PTPRE: variants seen among roughly 807,000 people sequenced by gnomAD.
The protein encoded by PTPRE is protein tyrosine phosphatase receptor type E.
A neutral mutation model predicts 102.0 loss-of-function variants in PTPRE; 51 were observed. The ratio of observed to expected loss-of-function variants is 0.50; its 90% CI spans 0.40 to 0.63. PTPRE has a LOEUF of 0.63. Among genes scored for constraint, PTPRE ranks in the 30% least tolerant of loss-of-function variants. The probability of loss-of-function intolerance (pLI) is 0.00; values close to 1 mark genes in which losing one functional copy is unlikely to be tolerated. For synonymous variants in PTPRE, 345 were observed against 348.2 expected (o/e 0.99, Z 0.10); for missense variants, 752 against 915.1 (o/e 0.82, Z 2.30).
chr10:128,044,213 C>A (rs1387206133), intron 3 of PTPRE, among the ~76,000 whole-genome samples: 2 of 152,206 alleles, frequency 1.3e-5, no homozygotes, highest in Admixed American at 1.3e-4. Context: ...GAGTTGGGAC[C>A]TTAAACCATT....
At chr10:127,939,117 C>T (rs192925715) in intron 1 of PTPRE, among the ~76,000 whole-genome samples, 13 of 152,344 alleles carry the variant, frequency 8.5e-5, no homozygotes, top group Admixed American at 7.8e-4. Context: ...TCATTCATTA[C>T]ATTTAAATAG....
chr10:127,967,330 G>C, intron 1 of PTPRE, among the ~76,000 whole-genome samples: 1 of 152,146 alleles, frequency 6.6e-6, no homozygotes, highest in Non-Finnish European at 1.5e-5. Flanking sequence ...TTGACTTGCA[G>C]CTCCCATAAT....
intron 20 of PTPRE, 133 bp from the exon 21 acceptor site, chr10:128,082,699 G>A (rs1484921966): frequency 1.3e-5 from 13 of 1,015,326 alleles, no homozygotes; most frequent in South Asian, 2.0e-5. Context: ...ACTAAATTAC[G>A]ATGTGCATAA....
chr10:127,996,241 C>G (rs1317333627), intron 2 of PTPRE, among the ~76,000 whole-genome samples: 1 of 152,142 alleles, frequency 6.6e-6, no homozygotes, highest in Non-Finnish European at 1.5e-5. Context: ...CTATGTTTCA[C>G]CAAAGGCAGT....
intron 1 of PTPRE, chr10:127,929,499 G>T (rs1847261877): frequency 6.6e-6 from 1 of 152,136 alleles, no homozygotes; most frequent in Non-Finnish European, 1.5e-5. Flanking sequence ...AGGACACAAA[G>T]ATCTGAAAAC....
chr10:127,982,298 T>C lies in PTPRE; in HGVS notation c.-8+2T>C. 7.9e-7 allele frequency: 1 copy of C among 1,261,922 alleles called. No homozygotes were observed. The highest frequency in any genetic ancestry group is 1.5e-5 in the African/African-American group (1 of 64,746). 78.2% of individuals were successfully genotyped at this position (1,261,922 alleles called of 1,614,324 possible). On this transcript the variant is annotated splice_donor_variant, in intron 2 of 20. Transcript: ENST00000254667. LOFTEE classifies it low-confidence loss of function (5UTR_SPLICE). ...GACTATAGCCTTCACTTTCCCTCGG[T>C]GAGTACAAAACTTTTTAAAAATTAT...
Position 128,047,385 on chromosome 10 carries a change from T to C in PTPRE, c.110-5T>C, listed in dbSNP as rs1848180672. On this transcript the variant is annotated splice_region_variant and splice_polypyrimidine_tract_variant and intron_variant, in intron 3 of 20. Transcript: ENST00000254667. The stretch of plus-strand genomic sequence containing the variant: ...GGGGTTAGGGTCTTTCTGCTTCTCC[T>C]GCAGGCCCTCCGGACCCGGGCGCCT... 2 of 1,612,400 alleles carry C rather than the reference T, an allele frequency of 1.2e-6. No individual in the cohort carries two copies. The highest frequency in any genetic ancestry group is 1.7e-5 in the Admixed American group (1 of 59,968).
At chr10:128,041,112 G>T in intron 3 of PTPRE, 122 bp downstream of exon 3, 1 of 813,828 alleles carries the variant, frequency 1.2e-6, no homozygotes, top group Non-Finnish European at 2.0e-6. Context: ...TTCTTAGTGT[G>T]CTTTTAATAG....
chr10:127,959,736 T>C (rs1012806974), intron 1 of PTPRE, among the ~76,000 whole-genome samples: 6 of 152,184 alleles, frequency 3.9e-5, no homozygotes, highest in Non-Finnish European at 8.8e-5. Context: ...GGTCAGCTAC[T>C]TCCCAGCAGG....
intron 7 of PTPRE, among the ~76,000 whole-genome samples, chr10:128,059,938 G>GCACA (rs149583079): frequency 4.2e-4 from 63 of 149,480 alleles, no homozygotes; most frequent in African/African-American, 1.2e-3. Context: ...CACACTACAT[G>GCACA]CACACACACA....
intron 6 of PTPRE, among the ~76,000 whole-genome samples, chr10:128,055,081 C>A (rs1407876978): frequency 1.3e-5 from 2 of 152,098 alleles, no homozygotes; most frequent in African/African-American, 2.4e-5. Context: ...AAGGCTGGGG[C>A]AGATGACCCA....
At chr10:128,019,269 G>C (rs1451952505) in intron 2 of PTPRE, among the ~76,000 whole-genome samples, 1 of 152,234 alleles carries the variant, frequency 6.6e-6, no homozygotes, top group Non-Finnish European at 1.5e-5. Flanking sequence ...AGTTTCCCCA[G>C]CTGGGGGAGT....
chr10:128,047,626 C>T, intron 4 of PTPRE, 137 bp downstream of exon 4: 1 of 1,614,082 alleles, frequency 6.2e-7, no homozygotes, highest in Middle Eastern at 1.7e-4. Flanking sequence ...CACACAGAGG[C>T]CAGGCCTTAG....
At chr10:127,954,813 A>G (rs1284831112) in intron 1 of PTPRE, among the ~76,000 whole-genome samples, 1 of 151,960 alleles carries the variant, frequency 6.6e-6, no homozygotes, top group Non-Finnish European at 1.5e-5. Context: ...ACTACTCACC[A>G]TTACTCCTAG....
chr10:127,990,111 A>G lies in PTPRE; in HGVS notation c.-8+7815A>G, dbSNP rs1261072845. 3.3e-5 allele frequency among the ~76,000 whole-genome samples: 5 copies of G among 152,142 alleles called. No homozygotes were observed. In the East Asian group the frequency reaches 9.7e-4, roughly 29 times the overall value. ...TTTTGCCCAGGAGCCTAGAAAAATG[A>G]TTGATTAGAAAGATTTTAGTTCTGG... On this transcript the variant is annotated intron_variant, in intron 2 of 20. Coordinates refer to ENST00000254667, the MANE Select transcript of PTPRE (RefSeq NM_006504.6).
intron 6 of PTPRE, among the ~76,000 whole-genome samples, chr10:128,054,164 A>G (rs978629253): frequency 6.6e-6 from 1 of 152,200 alleles, no homozygotes; most frequent in African/African-American, 2.4e-5. Context: ...CCCTGTGAGC[A>G]GTTTCTCCTA....
Position 128,015,406 on chromosome 10 carries a change from G to A in PTPRE, c.-7-25469G>A, listed in dbSNP as rs556212981. Among the ~76,000 whole-genome samples, 5 of 151,786 alleles carry A rather than the reference G, an allele frequency of 3.3e-5. No homozygotes were observed. In the South Asian group the frequency reaches 6.2e-4, roughly 19 times the overall value. The stretch of plus-strand genomic sequence containing the variant: ...TTTTGAGATGGAGTCTCGCTCTGTC[G>A]CCCAGGCTGAAGTGCAGTGGCGTGA... On this transcript the variant is annotated intron_variant, in intron 2 of 20. Coordinates refer to ENST00000254667, the MANE Select transcript of PTPRE (RefSeq NM_006504.6).
chr10:128,060,796 A>AC, intron 7 of PTPRE, 143 bp from the exon 8 acceptor site: 1 of 687,100 alleles, frequency 1.5e-6, no homozygotes, highest in Non-Finnish European at 2.6e-6. Context: ...CATCTCTGCC[A>AC]TCCCTGGTGT....
intron 1 of PTPRE, among the ~76,000 whole-genome samples, chr10:127,965,222 A>G (rs753266181): frequency 6.6e-5 from 10 of 152,212 alleles, no homozygotes; most frequent in Non-Finnish European, 1.2e-4. Flanking sequence ...CCGTAATTTT[A>G]TCATTCTAAA....
Sources: allele counts gnomAD v4.1 joint callset (sites outside exome capture counted in the v4.1 genomes callset), GRCh38; gene constraint gnomAD v4.1.1; transcripts MANE v1.5; gene names NCBI Gene and HGNC (gene_info 2026-07-23, HGNC 2026-07-21).